Variants in LOXL2 observed in about 807,000 individuals in gnomAD.
The protein encoded by LOXL2 is lysyl oxidase like 2.
LOXL2 carries 70 observed loss-of-function variants against 93.0 expected under a neutral mutation model. The observed-to-expected ratio is 0.75, with a 90% confidence interval of 0.62 to 0.92. The LOEUF is 0.92. Among genes scored for constraint, LOXL2 ranks in the 40% least tolerant of loss-of-function variants. The pLI is 0.00. For missense variants in LOXL2, 973 were observed against 1,054.9 expected, an observed-to-expected ratio of 0.92 and a Z score of 1.08; for synonymous variants, 438 against 413.2, an observed-to-expected ratio of 1.06 and a Z score of -0.73.
chr8:23,321,830 C>T (rs1213447591), intron 7 of LOXL2: 6 of 348,796 alleles, frequency 1.7e-5, no homozygotes, highest in Non-Finnish European at 2.6e-5. Context: ...TGTGGCTAGC[C>T]GGTCCCACGC....
intron 1 of LOXL2, among the ~76,000 whole-genome samples, chr8:23,399,639 C>T (rs977351793): frequency 6.6e-6 from 1 of 152,208 alleles, no homozygotes; most frequent in Admixed American, 6.5e-5. Flanking sequence ...GGACTTTGGA[C>T]TTCTCAGTCT....
chr8:23,390,308 C>T (rs1321201265), intron 1 of LOXL2, among the ~76,000 whole-genome samples: 3 of 152,140 alleles, frequency 2.0e-5, no homozygotes, highest in Non-Finnish European at 2.9e-5. Flanking sequence ...GGAAGTGGCT[C>T]GGGGGCCATG....
intron 6 of LOXL2, among the ~76,000 whole-genome samples, chr8:23,323,636 T>A (rs1803532288): frequency 1.3e-5 from 2 of 151,564 alleles, no homozygotes; most frequent in African/African-American, 4.9e-5. Flanking sequence ...AAGCTTTAGC[T>A]CTACCTTCCT....
At chr8:23,368,804 G>T (rs1041640994) in intron 1 of LOXL2, among the ~76,000 whole-genome samples, 2 of 152,198 alleles carry the variant, frequency 1.3e-5, no homozygotes, top group Non-Finnish European at 2.9e-5. Context: ...CCCTAGGCTT[G>T]AAGGGAGCCT....
chr8:23,314,178 C>G (rs1193482021), intron 9 of LOXL2, among the ~76,000 whole-genome samples: 1 of 151,988 alleles, frequency 6.6e-6, no homozygotes, highest in Non-Finnish European at 1.5e-5. Flanking sequence ...GATAGGAACA[C>G]TTTTACACTG....
chr8:23,359,373 TTCTC>T (rs1293436959), intron 3 of LOXL2, among the ~76,000 whole-genome samples: 1 of 152,200 alleles, frequency 6.6e-6, no homozygotes, highest in African/African-American at 2.4e-5. Flanking sequence ...CCTGTGTTCT[TTCTC>T]TCACTCTCCT....
chr8:23,316,142 T>C (rs897354647), intron 9 of LOXL2, among the ~76,000 whole-genome samples: 18 of 152,236 alleles, frequency 1.2e-4, no homozygotes, highest in Non-Finnish European at 2.2e-4. Flanking sequence ...TCCCGCGTTC[T>C]CCGTGATGGC....
chr8:23,322,338 T>A, intron 6 of LOXL2, 57 bp from the exon 7 acceptor site: 1 of 1,533,456 alleles, frequency 6.5e-7, no homozygotes, highest in Non-Finnish European at 8.9e-7. Flanking sequence ...CTTTCTGGAG[T>A]GGCAAGAAAG....
intron 3 of LOXL2, among the ~76,000 whole-genome samples, chr8:23,348,209 G>C (rs1469437591): frequency 7.5e-6 from 1 of 134,114 alleles, no homozygotes; most frequent in Non-Finnish European, 1.5e-5. Flanking sequence ...TGAACAATGA[G>C]AACAGTTGGA....
At position 23,312,806 on chromosome 8, in the gene LOXL2, T is replaced by C. The variant is rs1353487107; in HGVS notation, c.1637-2895A>G. 4.9e-4 allele frequency among the ~76,000 whole-genome samples: 32 copies of C among 65,852 alleles called. 1 individual carries two copies. Among genetic ancestry groups the C allele is most frequent in the African/African-American group, 1.8e-3 (32 of 18,152 alleles). The allele number at this position is 65,852 out of a possible 152,430, so 43.2% of individuals were successfully genotyped here. A position where few individuals can be genotyped will look rare whatever the true frequency, so the allele number is the denominator to read the frequency against. ...TGTTGGAAGTTCTGGCCAGGGCAAT[T>C]AGGCAGGAGAAGGAAATAAAGGGTA... is the stretch of plus-strand genomic sequence containing the variant. On this transcript the variant is annotated intron_variant, in intron 9 of 13. Transcript: ENST00000389131.
At chr8:23,400,793 C>T (rs571139567) in intron 1 of LOXL2, among the ~76,000 whole-genome samples, 48 of 152,106 alleles carry the variant, frequency 3.2e-4, no homozygotes, top group Non-Finnish European at 5.7e-4. Context: ...TATTTTTACA[C>T]CTTGGAGTCA....
chr8:23,329,245 G>A (rs1803635776), intron 5 of LOXL2: 1 of 152,224 alleles, frequency 6.6e-6, no homozygotes, highest in African/African-American at 2.4e-5. Flanking sequence ...ATTTGTCCCA[G>A]GGCTGGGGGC....
intron 3 of LOXL2, among the ~76,000 whole-genome samples, chr8:23,354,950 T>TATATATATATATATATATATATATATA (rs1491334754): frequency 2.2e-4 from 4 of 17,950 alleles, no homozygotes; most frequent in African/African-American, 6.4e-4. Flanking sequence ...TATATATATA[T>TATATATATATATATATATATATATATA]TTTTTTTTTT....
At chr8:23,370,166 C>A (rs922604063) in intron 1 of LOXL2, among the ~76,000 whole-genome samples, 1 of 152,148 alleles carries the variant, frequency 6.6e-6, no homozygotes, top group Admixed American at 6.6e-5. Flanking sequence ...TCTCTCACCC[C>A]AGCCCTGCCC....
At chr8:23,303,704 G>A (rs1168250824) in intron 10 of LOXL2, among the ~76,000 whole-genome samples, 1 of 152,146 alleles carries the variant, frequency 6.6e-6, no homozygotes, top group African/African-American at 2.4e-5. Flanking sequence ...AGCCAGCACT[G>A]CATATGATAA....
intron 12 of LOXL2, among the ~76,000 whole-genome samples, chr8:23,301,364 G>A (rs537905387): frequency 1.3e-5 from 2 of 152,300 alleles, no homozygotes; most frequent in East Asian, 1.9e-4. Context: ...AAGGAGGGAA[G>A]CCAAGGCCCC....
chr8:23,394,396 G>GAAAAAA (rs1159727066), intron 1 of LOXL2, among the ~76,000 whole-genome samples: 1 of 64,302 alleles, frequency 1.6e-5, no homozygotes, highest in Admixed American at 1.8e-4. Context: ...CTGTCTCAGA[G>GAAAAAA]AAAAAAAAAA....
At chr8:23,387,472 G>T (rs531835941) in intron 1 of LOXL2, among the ~76,000 whole-genome samples, 1 of 152,148 alleles carries the variant, frequency 6.6e-6, no homozygotes, top group Non-Finnish European at 1.5e-5. Flanking sequence ...ACCCTTCCAG[G>T]AAAAACAGGC....
At position 23,396,091 on chromosome 8, in the gene LOXL2, C is replaced by T. The variant is rs979474303; in HGVS notation, c.-84+7863G>A. ...GTAATTCCAGCACTTTGGGAGGCTG[C>T]GGCAGGATCCTGAGGTCGGGAGTTC... is the stretch of plus-strand genomic sequence containing the variant. On this transcript the variant is annotated intron_variant, in intron 1 of 13. Transcript: ENST00000389131. 3.9e-5 allele frequency among the ~76,000 whole-genome samples: 6 copies of T among 151,972 alleles called. No homozygotes were observed. The South Asian group carries it at 8.3e-4, about 21-fold the overall frequency.
Sources: gnomAD v4.1 joint callset for allele counts (sites outside exome capture counted in the v4.1 genomes callset) on GRCh38, gnomAD v4.1.1 for gene constraint, MANE v1.5 for transcripts, NCBI Gene and HGNC (gene_info 2026-07-23, HGNC 2026-07-21) for gene names.